COL27A1: variants seen among roughly 807,000 people sequenced by gnomAD.
The protein encoded by COL27A1 is collagen alpha-1(XXVII) chain.
A neutral mutation model predicts 251.3 loss-of-function variants in COL27A1; 106 were observed. The observed-to-expected ratio is 0.42, with a 90% CI of 0.36 to 0.50. The LOEUF is 0.50. Among genes scored for constraint, COL27A1 ranks in the 20% least tolerant of loss-of-function variants. The pLI is 0.00. For missense variants in COL27A1, 2,325 were observed against 2,522.8 expected (o/e 0.92, Z 1.68); for synonymous variants, 1,000 against 986.3 (o/e 1.01, Z -0.26).
chr9:114,161,753 C>T (rs79627752), intron 1 of COL27A1, among the ~76,000 whole-genome samples: 3,261 of 152,304 alleles, frequency 0.021, 59 homozygotes, highest in Admixed American at 0.031. Context: ...CAGGTGGCTT[C>T]GGGTGTCACT....
chr9:114,204,507 A>G (rs1829806820), intron 7 of COL27A1, among the ~76,000 whole-genome samples: 2 of 152,232 alleles, frequency 1.3e-5, no homozygotes, highest in South Asian at 4.1e-4. Flanking sequence ...GGGCGTTGCC[A>G]GAGTCCTTCT....
At chr9:114,197,692 G>C (rs1349099094) in intron 7 of COL27A1, among the ~76,000 whole-genome samples, 1 of 152,242 alleles carries the variant, frequency 6.6e-6, no homozygotes, top group Non-Finnish European at 1.5e-5. Flanking sequence ...CCCCAACCAA[G>C]AGGAGCCAAC....
At chr9:114,165,077 G>C (rs1391369682) in intron 2 of COL27A1, among the ~76,000 whole-genome samples, 1 of 152,194 alleles carries the variant, frequency 6.6e-6, no homozygotes, top group African/African-American at 2.4e-5. Context: ...GGGTGAAGAT[G>C]ATGAGGAAGA....
At chr9:114,185,353 G>A (rs1828260268) in intron 5 of COL27A1, among the ~76,000 whole-genome samples, 1 of 152,226 alleles carries the variant, frequency 6.6e-6, no homozygotes, top group Non-Finnish European at 1.5e-5. Context: ...ATGCCAGGGG[G>A]AAATGTCATG....
chr9:114,158,406 T>A (rs1364312129), intron 1 of COL27A1, among the ~76,000 whole-genome samples: 4 of 152,218 alleles, frequency 2.6e-5, no homozygotes, highest in Non-Finnish European at 4.4e-5. Context: ...TTTGGTGCAC[T>A]GGCAGAGGGC....
chr9:114,232,739 A>G (rs1832056700), intron 16 of COL27A1, among the ~76,000 whole-genome samples: 1 of 152,228 alleles, frequency 6.6e-6, no homozygotes, highest in Non-Finnish European at 1.5e-5. Context: ...AGTGTACCAC[A>G]TGGATCCACC....
chr9:114,264,333 T>C (rs774194622), intron 28 of COL27A1, 22 bp from the exon 29 acceptor site: 1 of 1,576,690 alleles, frequency 6.3e-7, no homozygotes, highest in South Asian at 1.2e-5. Flanking sequence ...TCCGGTGTGC[T>C]AGTCCCTTTT....
At position 114,290,438 on chromosome 9, in the gene COL27A1, C is replaced by T; in HGVS notation, c.4368+107C>T. The T allele has an allele frequency of 2.1e-6, 2 of 955,152 alleles. No homozygotes were observed. The highest frequency in any genetic ancestry group is 1.9e-5 in the African/African-American group (1 of 53,690). 59.2% of individuals were successfully genotyped at this position (955,152 alleles called of 1,614,324 possible). A position where few individuals can be genotyped will look rare whatever the true frequency, so the allele number is the denominator to read the frequency against. On this transcript the variant is annotated intron_variant, in intron 47 of 60. Coordinates refer to ENST00000356083, the MANE Select transcript of COL27A1 (RefSeq NM_032888.4). This position sits in a 1 kb window ranked among gnomAD's most constrained non-coding sequence, Gnocchi z 4.6. Reference sequence around the variant, plus strand: ...GAGCCCGTTTGGAAACTTGGATGGGCAGAACCAACACATCCAGAAGTTCTC... The same window carrying T: ...GAGCCCGTTTGGAAACTTGGATGGGTAGAACCAACACATCCAGAAGTTCTC...
chr9:114,237,183 C>T (rs1038576415), intron 18 of COL27A1, 149 bp downstream of exon 18: 6 of 732,932 alleles, frequency 8.2e-6, no homozygotes, highest in South Asian at 1.9e-5. Context: ...ATGGGATGTG[C>T]TCATTTCACA....
intron 7 of COL27A1, 133 bp downstream of exon 7, chr9:114,196,145 G>T: frequency 2.6e-6 from 2 of 771,312 alleles, no homozygotes; most frequent in South Asian, 3.0e-5. Context: ...GGGTACATGG[G>T]TGAGAGGTGA....
At chr9:114,263,350 GGGGAGTATTGC>G (rs1318614449) in intron 28 of COL27A1, among the ~76,000 whole-genome samples, 1 of 152,018 alleles carries the variant, frequency 6.6e-6, no homozygotes, top group Non-Finnish European at 1.5e-5. Flanking sequence ...CTTTTATCTG[GGGGAGTATTGC>G]GGGCTGATCC....
rs550740828 is a variant in COL27A1 at position 114,208,738 on chromosome 9, G to A, written c.2269-937G>A. On this transcript the variant is annotated intron_variant, in intron 10 of 60. Transcript: ENST00000356083. ...ATGAAGATACAAGGGAGAAAGTGGA[G>A]AAGGATGCTACCGAGGTGCAAAAAT... 8.5e-5 allele frequency among the ~76,000 whole-genome samples: 13 copies of A among 152,294 alleles called. No homozygotes were observed. In the South Asian group the frequency reaches 2.7e-3, roughly 32 times the overall value.
Position 114,283,778 on chromosome 9 carries a change from C to T in COL27A1, c.3933+16C>T. ...TGGTTATGATGTAAGCAGATATCAC[C>T]TCACCCCACCCCCCGACTCTGTCCT... On this transcript the variant is annotated intron_variant, in intron 40 of 60. Transcript: ENST00000356083. 6.2e-7 allele frequency: 1 copy of T among 1,613,456 alleles called. No individual in the cohort carries two copies. The highest frequency in any genetic ancestry group is 8.5e-7 in the Non-Finnish European group (1 of 1,179,492).
intron 60 of COL27A1, among the ~76,000 whole-genome samples, chr9:114,310,102 G>A (rs11787950): frequency 0.39 from 59,401 of 151,890 alleles, 12,880 homozygotes; most frequent in Non-Finnish European, 0.5. Flanking sequence ...ATGGTACAAC[G>A]GAATTTGAGG....
Position 114,246,018 on chromosome 9 carries a change from A to C in COL27A1, c.2979+108A>C, listed in dbSNP as rs547127642. On this transcript the variant is annotated intron_variant, in intron 24 of 60. Coordinates refer to ENST00000356083, the MANE Select transcript of COL27A1 (RefSeq NM_032888.4). ...ATGCACCACCTCGTGTAATTCTCAG[A>C]ACAACTCCAGAGGTAGGTTCAGTCC... The C allele has an allele frequency of 1.8e-5, 17 of 963,260 alleles. No individual in the cohort carries two copies. In the East Asian group the frequency reaches 3.3e-4, roughly 18 times the overall value. 59.7% of individuals were successfully genotyped at this position (963,260 alleles called of 1,614,324 possible).
intron 14 of COL27A1, among the ~76,000 whole-genome samples, chr9:114,225,569 A>G (rs1340478083): frequency 6.6e-6 from 1 of 152,170 alleles, no homozygotes; most frequent in Admixed American, 6.5e-5. Context: ...GTGCCTGGGG[A>G]AAAAAACTGT....
At chr9:114,229,508 G>C (rs1831775071) in intron 14 of COL27A1, among the ~76,000 whole-genome samples, 1 of 152,104 alleles carries the variant, frequency 6.6e-6, no homozygotes, top group Non-Finnish European at 1.5e-5. Flanking sequence ...CTTGAGCCTG[G>C]CTACTGGGGC....
intron 28 of COL27A1, 94 bp downstream of exon 28, chr9:114,258,688 T>A: frequency 1.5e-6 from 2 of 1,294,880 alleles, no homozygotes; most frequent in Non-Finnish European, 2.2e-6. Context: ...GCTTTGCCCC[T>A]AGCCCAGCTC....
intron 37 of COL27A1, among the ~76,000 whole-genome samples, chr9:114,280,833 G>A (rs1257121151): frequency 6.6e-6 from 1 of 152,192 alleles, no homozygotes; most frequent in Non-Finnish European, 1.5e-5. Flanking sequence ...TGCCGCATTA[G>A]TCTTTAGAGC....
Sources: allele counts gnomAD v4.1 joint callset (sites outside exome capture counted in the v4.1 genomes callset), GRCh38; gene constraint gnomAD v4.1.1; non-coding constraint Gnocchi (gnomAD v3.1); transcripts MANE v1.5; gene names NCBI Gene and HGNC (gene_info 2026-07-23, HGNC 2026-07-21).